The following PCNT variants were observed in gnomAD, a reference collection of about 807,000 sequenced individuals.
PCNT encodes pericentrin.
Under a neutral mutation model 380.4 loss-of-function variants are expected in PCNT, and 319 were observed. That is an observed-to-expected ratio of 0.84 (90% CI 0.77 to 0.92). The LOEUF (loss-of-function observed/expected upper bound fraction) is 0.92. Ranked by LOEUF, PCNT falls within the 40% of genes least tolerant of loss-of-function variation. The probability of loss-of-function intolerance (pLI) is 0.00; values close to 1 mark genes in which losing one functional copy is unlikely to be tolerated. For synonymous variants in PCNT, 1,845 were observed against 1,735.2 expected, an observed-to-expected ratio of 1.06 and a Z score of -1.57; for missense variants, 4,400 against 4,255.3, an observed-to-expected ratio of 1.03 and a Z score of -0.95.
Position 46,412,928 on chromosome 21 carries a change from A to G in PCNT, c.6086A>G (p.Gln2029Arg). ...TCAGTGCTCACCGTCTGCCAGAGGC[A>G]GCTGCAGTCGGAGCTGCTCTTGGTG... ...VMSVLTVCQR[Q>R]LQSELLLVKN... Residue 2029 changes from glutamine (Q) to arginine (R), a missense_variant, in exon 29 of 47, where the codon CAG (glutamine) becomes CGG (arginine). By Grantham distance (43) the Gln-to-Arg change is conservative. Transcript: ENST00000359568. The G allele has an allele frequency of 1.2e-6, 2 of 1,612,526 alleles. No homozygotes were observed. Among genetic ancestry groups the G allele is most frequent in the African/African-American group, 2.7e-5 (2 of 75,070 alleles).
rs753112820 is a variant in PCNT at position 46,326,554 on chromosome 21, A to C, written c.232A>C (p.Thr78Pro). The part of the protein sequence containing the change: ...DICKSTSCDD[T>P]PDGAGGAFAA... ...TTGCAAAAGCACATCATGTGACGAC[A>C]CCCCTGATGGGGCAGGAGGGGCCTT... is the stretch of plus-strand genomic sequence containing the variant. The change falls in exon 2 of 47, where the codon ACC becomes CCC. Residue 78 changes from threonine (T) to proline (P), a missense_variant. Coordinates refer to ENST00000359568, the MANE Select transcript of PCNT (RefSeq NM_006031.6). The C allele has an allele frequency of 6.2e-7, 1 of 1,613,914 alleles. No individual in the cohort carries two copies. The highest frequency in any genetic ancestry group is 1.3e-5 in the African/African-American group (1 of 74,898).
At position 46,439,223 on chromosome 21, in the gene PCNT, C is replaced by A. The variant is rs143011557; in HGVS notation, c.9274-860C>A. On this transcript the variant is annotated intron_variant, in intron 41 of 46. Coordinates refer to ENST00000359568, the MANE Select transcript of PCNT (RefSeq NM_006031.6). ...CCATTCACAGAGCACACAGCGATGG[C>A]CCCCCCAAAAAGAGCAGCAGGCATC... Among the ~76,000 whole-genome samples, 190 of 152,202 alleles carry A rather than the reference C, an allele frequency of 1.2e-3. 1 individual carries two copies. The East Asian group carries it at 0.031, about 25-fold the overall frequency.
At position 46,381,689 on chromosome 21, in the gene PCNT, T is replaced by C; in HGVS notation, c.3166-5T>C. On this transcript the variant is annotated splice_region_variant and splice_polypyrimidine_tract_variant and intron_variant, in intron 15 of 46. Transcript: ENST00000359568. The stretch of plus-strand genomic sequence containing the variant: ...GGTATTTTTTATTGTTATTGATGTG[T>C]ACAGGGTGAATTTGGAAGTGAAAAG... The C allele has an allele frequency of 1.9e-6, 3 of 1,612,782 alleles. No homozygotes were observed. Among genetic ancestry groups the C allele is most frequent in the Non-Finnish European group, 2.5e-6 (3 of 1,178,760 alleles).
At position 46,409,794 on chromosome 21, in the gene PCNT, G is replaced by A. The variant is rs566404179; in HGVS notation, c.5116-1395G>A. ...TTTTTACTAGAGACCAGGGTGCACCGTGTCGGCCAGGCTGATCTTGAACTC... is the reference window on the plus strand; with the variant it reads ...TTTTTACTAGAGACCAGGGTGCACCATGTCGGCCAGGCTGATCTTGAACTC... On this transcript the variant is annotated intron_variant, in intron 27 of 46. Transcript: ENST00000359568. 1.1e-4 allele frequency among the ~76,000 whole-genome samples: 16 copies of A among 151,906 alleles called. No homozygotes were observed. In the South Asian group the frequency reaches 3.3e-3, roughly 32 times the overall value.
chr21:46,444,696 C>T lies in PCNT; in HGVS notation c.9842C>T (p.Ala3281Val), dbSNP rs988693930. ...AAASPHSGGR[A>V]TPSPNSRLER... ...TTGGTGTGGTAATTTGTTTGAAGAG[C>T]CACTCCATCCCCAAATTCAAGATTA... Residue 3281 changes from alanine to valine, a missense_variant and splice_region_variant, in exon 46 of 47, where the codon GCC becomes GTC. Transcript: ENST00000359568. The T allele has an allele frequency of 1.5e-5, 24 of 1,611,512 alleles. No homozygotes were observed. The highest frequency in any genetic ancestry group is 1.8e-5 in the Non-Finnish European group (21 of 1,179,022).
intron 2 of PCNT, among the ~76,000 whole-genome samples, chr21:46,327,123 C>T (rs1038142226): frequency 8.7e-5 from 13 of 149,112 alleles, no homozygotes; most frequent in South Asian, 2.1e-4. Context: ...TGCAGTGGCG[C>T]GATCTCGGCT....
chr21:46,436,195 CCT>C (rs763844171), intron 39 of PCNT, 47 bp downstream of exon 39: 1 of 1,597,138 alleles, frequency 6.3e-7, no homozygotes, highest in Non-Finnish European at 8.5e-7. Flanking sequence ...TGCAGCCACC[CCT>C]CTGTCCCAGA....
chr21:46,391,243 G>T lies in PCNT; in HGVS notation c.4083G>T (p.Leu1361=). 6.2e-7 allele frequency: 1 copy of T among 1,606,692 alleles called. No individual in the cohort carries two copies. Among genetic ancestry groups the T allele is most frequent in the East Asian group, 2.2e-5 (1 of 44,644 alleles). ...LAGKEDSEHR[L]VLELESLRRQ... is the part of the protein sequence containing the mutation. Reference sequence around the variant, plus strand: ...GGAAGGAGGATTCCGAGCACCGTCTGGTGCTGGAGCTGGAGAGCCTGAGAC... The same window carrying T: ...GGAAGGAGGATTCCGAGCACCGTCTTGTGCTGGAGCTGGAGAGCCTGAGAC... The change falls in exon 21 of 47, where the codon CTG becomes CTT. Residue 1361 remains leucine (L), a synonymous_variant. Coordinates refer to ENST00000359568, the MANE Select transcript of PCNT (RefSeq NM_006031.6).
intron 19 of PCNT, among the ~76,000 whole-genome samples, chr21:46,389,940 G>A (rs969347939): frequency 2.6e-5 from 4 of 152,138 alleles, no homozygotes; most frequent in Admixed American, 2.0e-4. Flanking sequence ...TGGCCCTCCC[G>A]GAGTTGGACA....
Position 46,366,273 on chromosome 21 carries a change from G to A in PCNT, c.2610-311G>A, listed in dbSNP as rs111423480. ...AGGAGGTTGGTTGTGCCTGCCGTGC[G>A]TGGCTCTGGCGGGGATGTGTGTGTG... On this transcript the variant is annotated intron_variant, in intron 14 of 46. Transcript: ENST00000359568. Among the ~76,000 whole-genome samples the A allele has an allele frequency of 3.7e-3, 569 of 152,280 alleles. 3 individuals are homozygous for A. The highest frequency in any genetic ancestry group is 0.013 in the African/African-American group (546 of 41,558).
rs928932500 is a variant in PCNT at position 46,381,588 on chromosome 21, AG to A, written c.3166-105del. On this transcript the variant is annotated intron_variant, in intron 15 of 46. Transcript: ENST00000359568. ...TGGCTCATCCCGGCTCTTGGTGCAG[AG>A]TGGGGGCTCCATGCATATCTGCTGA... 2.7e-5 allele frequency: 28 copies of A among 1,024,980 alleles called. No homozygotes were observed. The Admixed American group carries it at 3.4e-4, about 13-fold the overall frequency. The allele number at this position is 1,024,980 out of a possible 1,614,324, so 63.5% of individuals were successfully genotyped here.
At chr21:46,345,475 C>T (rs983035551) in intron 3 of PCNT, among the ~76,000 whole-genome samples, 1 of 152,214 alleles carries the variant, frequency 6.6e-6, no homozygotes, top group African/African-American at 2.4e-5. Flanking sequence ...GCCTCGGCCT[C>T]CCAAATTCTG....
intron 15 of PCNT, among the ~76,000 whole-genome samples, chr21:46,371,206 CTTTCTTTCTTTTTTTTTTT>C (rs2085113688): frequency 2.4e-5 from 3 of 123,692 alleles, no homozygotes; most frequent in Non-Finnish European, 3.7e-5. Context: ...GGTTTATTTT[CTTTCTTTCTTTTTTTTTTT>C]TTTTTTTTAA....
intron 15 of PCNT, among the ~76,000 whole-genome samples, chr21:46,370,012 T>C (rs2085061730): frequency 6.6e-6 from 1 of 152,184 alleles, no homozygotes; most frequent in African/African-American, 2.4e-5. Context: ...GGAGGGGCTG[T>C]GCAGGTGAGC....
intron 3 of PCNT, among the ~76,000 whole-genome samples, chr21:46,345,795 A>G (rs562613905): frequency 6.6e-6 from 1 of 152,170 alleles, no homozygotes; most frequent in Non-Finnish European, 1.5e-5. Context: ...ACGGATTTGC[A>G]GATCCTGAAC....
Position 46,416,519 on chromosome 21 carries a change from C to T in PCNT, c.6601C>T (p.Arg2201Cys), listed in dbSNP as rs746840086. The change falls in exon 30 of 47, where the codon CGC (arginine) becomes TGC (cysteine). Residue 2201 changes from arginine to cysteine, a missense_variant. Coordinates refer to ENST00000359568, the MANE Select transcript of PCNT (RefSeq NM_006031.6). ...SSPTSVLGGS[R>C]HQSHTAEAGP... is the part of the protein sequence containing the mutation. The stretch of plus-strand genomic sequence containing the variant: ...ACCGACCAGCGTACTTGGTGGCTCC[C>T]GCCACCAGAGCCACACTGCAGAGGC... The T allele has an allele frequency of 2.4e-5, 39 of 1,613,494 alleles. No homozygotes were observed. The highest frequency in any genetic ancestry group is 4.4e-5 in the South Asian group (4 of 91,084).
chr21:46,418,396 T>G (rs1206921635), intron 31 of PCNT, 90 bp downstream of exon 31: 2 of 836,392 alleles, frequency 2.4e-6, no homozygotes, highest in Non-Finnish European at 4.0e-6. Context: ...CTTTGCCTGG[T>G]TCTGCGTCTG....
At chr21:46,438,371 GCCTAAC>G in intron 41 of PCNT, 34 bp downstream of exon 41, 1 of 1,602,456 alleles carries the variant, frequency 6.2e-7, no homozygotes, top group Non-Finnish European at 8.5e-7. Flanking sequence ...ACCTGCCTCA[GCCTAAC>G]CCACCATGGT....
intron 2 of PCNT, among the ~76,000 whole-genome samples, chr21:46,328,366 G>A (rs1019486996): frequency 6.6e-6 from 1 of 151,866 alleles, no homozygotes; most frequent in Admixed American, 6.6e-5. Context: ...AGGCTGAAGC[G>A]ATCTTCCTGC....
Sources: allele counts gnomAD v4.1 joint callset (sites outside exome capture counted in the v4.1 genomes callset), GRCh38; gene constraint gnomAD v4.1.1; transcripts MANE v1.5; gene names NCBI Gene and HGNC (gene_info 2026-07-23, HGNC 2026-07-21).